ACOXL: variants seen among roughly 807,000 people sequenced by gnomAD.
ACOXL encodes the protein acyl-coenzyme A oxidase-like protein.
A neutral mutation model predicts 71.9 loss-of-function variants in ACOXL; 70 were observed. That is an observed-to-expected ratio of 0.97 (90% CI 0.80 to 1.19). The LOEUF is 1.19. ACOXL is among the 50% of genes most tolerant of loss of function. The pLI is 0.00. For missense variants in ACOXL, 703 were observed against 736.3 expected (o/e 0.95, Z 0.52); for synonymous variants, 253 against 281.6 (o/e 0.90, Z 1.02).
rs558239432 is a variant in ACOXL at position 110,873,237 on chromosome 2, C to T, written c.788+31832C>T. Reference sequence around the variant, plus strand: ...TGGCTGTGGCTAATGGGAGGATCCTCGGGCAACAGGGGGCTGGTGGATTGG... The same window carrying T: ...TGGCTGTGGCTAATGGGAGGATCCTTGGGCAACAGGGGGCTGGTGGATTGG... On this transcript the variant is annotated intron_variant, in intron 10 of 17. Transcript: ENST00000439055. 6.6e-5 allele frequency among the ~76,000 whole-genome samples: 10 copies of T among 152,192 alleles called. No homozygotes were observed. The South Asian group carries it at 1.9e-3, about 28-fold the overall frequency.
intron 12 of ACOXL, among the ~76,000 whole-genome samples, chr2:110,952,253 T>G (rs1278575226): frequency 2.6e-5 from 4 of 152,180 alleles, no homozygotes; most frequent in Admixed American, 6.5e-5. Flanking sequence ...GTTTTAAAAT[T>G]TATCAACCAT....
At chr2:111,091,031 A>T (rs924697752) in intron 16 of ACOXL, among the ~76,000 whole-genome samples, 7 of 152,204 alleles carry the variant, frequency 4.6e-5, no homozygotes, top group African/African-American at 1.7e-4. Flanking sequence ...GGAGGAAGAC[A>T]GCAGAGTTAG....
intron 16 of ACOXL, among the ~76,000 whole-genome samples, chr2:111,078,310 G>A (rs951393757): frequency 1.3e-5 from 2 of 152,000 alleles, no homozygotes; most frequent in African/African-American, 4.8e-5. Context: ...TGCCGCCCAG[G>A]CTAGAGTGCA....
At chr2:110,807,589 C>T (rs573094405) in intron 9 of ACOXL, among the ~76,000 whole-genome samples, 1 of 152,152 alleles carries the variant, frequency 6.6e-6, no homozygotes, top group Non-Finnish European at 1.5e-5. Flanking sequence ...ACCTGCCCTG[C>T]CTATCCAGAC....
At chr2:110,854,592 T>C (rs1693021200) in intron 10 of ACOXL, among the ~76,000 whole-genome samples, 1 of 152,176 alleles carries the variant, frequency 6.6e-6, no homozygotes, top group Non-Finnish European at 1.5e-5. Flanking sequence ...GGGCAGGCCA[T>C]GCTCATGGAA....
intron 10 of ACOXL, among the ~76,000 whole-genome samples, chr2:110,896,581 TA>T: frequency 6.6e-6 from 1 of 152,170 alleles, no homozygotes; most frequent in East Asian, 1.9e-4. Context: ...AGTGGCTACT[TA>T]AATTTCATAT....
intron 12 of ACOXL, among the ~76,000 whole-genome samples, chr2:110,977,634 C>T (rs2062511703): frequency 6.6e-6 from 1 of 152,082 alleles, no homozygotes; most frequent in Non-Finnish European, 1.5e-5. Flanking sequence ...CTAATTTTTT[C>T]GAAACCAGAT....
At chr2:111,105,227 T>C (rs1398345955) in intron 17 of ACOXL, among the ~76,000 whole-genome samples, 1 of 152,170 alleles carries the variant, frequency 6.6e-6, no homozygotes, top group African/African-American at 2.4e-5. Context: ...CACATGGTCT[T>C]AATTAATATA....
In ACOXL at chr2:110,754,056, G is replaced by A. The variant is rs955943274; in HGVS notation, c.-22-14312G>A. On this transcript the variant is annotated intron_variant, in intron 1 of 17. Coordinates refer to ENST00000439055, the MANE Select transcript of ACOXL (RefSeq NM_001142807.4). The stretch of plus-strand genomic sequence containing the variant: ...CGTGTGTGTGTGTGTGTGTGTGTGT[G>A]TGTAGTTCTGTGAATTTTTTTTTTT... 4.1e-5 allele frequency among the ~76,000 whole-genome samples: 6 copies of A among 146,996 alleles called. No homozygotes were observed. The East Asian group carries it at 1.2e-3, about 29-fold the overall frequency.
intron 11 of ACOXL, among the ~76,000 whole-genome samples, chr2:110,910,052 C>T (rs2059595671): frequency 6.6e-6 from 1 of 152,088 alleles, no homozygotes; most frequent in Non-Finnish European, 1.5e-5. Context: ...TTTTGACGCA[C>T]ATATACTCTT....
intron 15 of ACOXL, among the ~76,000 whole-genome samples, chr2:111,039,031 A>G (rs1298255559): frequency 6.6e-6 from 1 of 152,218 alleles, no homozygotes. Context: ...GCATGTTCTC[A>G]TTTCAGTGTG....
intron 17 of ACOXL, among the ~76,000 whole-genome samples, chr2:111,096,141 ATTCT>A (rs1227039460): frequency 2.0e-5 from 3 of 152,202 alleles, no homozygotes; most frequent in African/African-American, 4.8e-5. Flanking sequence ...ACATTTACTG[ATTCT>A]TTCTTCAGAT....
At chr2:111,117,189 C>T (rs986312847) in intron 17 of ACOXL, among the ~76,000 whole-genome samples, 3 of 152,156 alleles carry the variant, frequency 2.0e-5, no homozygotes, top group African/African-American at 7.2e-5. Flanking sequence ...CCTCTGCGCG[C>T]CAGAGGGTGG....
intron 9 of ACOXL, among the ~76,000 whole-genome samples, chr2:110,819,940 T>G (rs1162327622): frequency 6.6e-6 from 1 of 152,208 alleles, no homozygotes; most frequent in African/African-American, 2.4e-5. Flanking sequence ...AGGGCCCAGC[T>G]TCTTGTTCTC....
At chr2:110,915,593 T>A (rs1168525323) in intron 11 of ACOXL, among the ~76,000 whole-genome samples, 2 of 151,166 alleles carry the variant, frequency 1.3e-5, no homozygotes, top group Non-Finnish European at 2.9e-5. Flanking sequence ...CCAGCTAATT[T>A]TTTTTTGTAT....
In ACOXL at chr2:111,076,731, A is replaced by T. The variant is rs551566302; in HGVS notation, c.1441-16134A>T. ...GGTTGATGACATAAAACAACAAAAA[A>T]TTATTCTTTCATAGTTTTAGAGGTC... On this transcript the variant is annotated intron_variant, in intron 16 of 17. Coordinates refer to ENST00000439055, the MANE Select transcript of ACOXL (RefSeq NM_001142807.4). Among the ~76,000 whole-genome samples, 29 of 152,342 alleles carry T rather than the reference A, an allele frequency of 1.9e-4. 1 individual carries two copies. In the South Asian group the frequency reaches 5.8e-3, roughly 30 times the overall value.
chr2:110,973,633 C>G (rs930679529), intron 12 of ACOXL, among the ~76,000 whole-genome samples: 10 of 152,082 alleles, frequency 6.6e-5, no homozygotes, highest in African/African-American at 2.2e-4. Flanking sequence ...GTTATAGCAG[C>G]CTGAGCTAAG....
intron 16 of ACOXL, among the ~76,000 whole-genome samples, chr2:111,092,213 GCT>G (rs749150717): frequency 6.6e-5 from 10 of 152,160 alleles, no homozygotes; most frequent in African/African-American, 2.4e-4. Context: ...CCCATACTAT[GCT>G]CTCTATTTTT....
intron 10 of ACOXL, among the ~76,000 whole-genome samples, chr2:110,882,631 A>AT (rs562419942): frequency 1.2e-4 from 19 of 152,156 alleles, no homozygotes; most frequent in Admixed American, 1.1e-3. Flanking sequence ...TTAATGGCTG[A>AT]TTTTTTTCCT....
Sources: allele counts gnomAD v4.1 joint callset (sites outside exome capture counted in the v4.1 genomes callset), GRCh38; gene constraint gnomAD v4.1.1; transcripts MANE v1.5; gene names NCBI Gene and HGNC (gene_info 2026-07-23, HGNC 2026-07-21).